GLYR1: variants seen among roughly 807,000 people sequenced by gnomAD.
GLYR1 encodes the protein cytokine-like nuclear factor N-PAC.
In GLYR1, 21 loss-of-function variants were observed where a neutral mutation model predicts 72.7. The observed-to-expected ratio is 0.29, with a 90% CI of 0.20 to 0.42. The LOEUF is 0.42. GLYR1 is among the 10% of genes least tolerant of loss of function. The pLI is 1.00. For synonymous variants in GLYR1, 392 were observed against 270.2 expected, an observed-to-expected ratio of 1.45 and a Z score of -4.42; for missense variants, 594 against 712.1, an observed-to-expected ratio of 0.83 and a Z score of 1.89.
chr16:4,828,900 G>A (rs1395058293), intron 5 of GLYR1, among the ~76,000 whole-genome samples: 1 of 151,960 alleles, frequency 6.6e-6, no homozygotes, highest in Non-Finnish European at 1.5e-5. Context: ...TTCTTTCCAG[G>A]GTGGCACAGG....
At chr16:4,806,236 G>A (rs2082959577) in intron 15 of GLYR1, among the ~76,000 whole-genome samples, 1 of 152,210 alleles carries the variant, frequency 6.6e-6, no homozygotes, top group Admixed American at 6.5e-5. Flanking sequence ...CACACAGAAT[G>A]GCAGCAGTGC....
At chr16:4,837,885 C>T (rs1413589143) in intron 3 of GLYR1, among the ~76,000 whole-genome samples, 2 of 151,608 alleles carry the variant, frequency 1.3e-5, no homozygotes, top group Admixed American at 1.3e-4. Flanking sequence ...GAGCCAAGAT[C>T]GTGCCACTGC....
rs2033979319 is a variant in GLYR1, at chr16:4,814,576, G to C, written c.978C>G (p.Ile326Met). The change falls in exon 11 of 16, where the codon ATC becomes ATG. Residue 326 changes from isoleucine (I) to methionine (M), a missense_variant. By Grantham distance (10) the Ile-to-Met change is conservative. Transcript: ENST00000321919. ...TGGGATCCGACACGCAGGCGAAAGTGATGTCGCAGGTTGAGACGACTTCAG... is the reference window on the plus strand; with the variant it reads ...TGGGATCCGACACGCAGGCGAAAGTCATGTCGCAGGTTGAGACGACTTCAG... ...TPAEVVSTCDITFACVSDPKA... is the reference protein window; with the variant it reads ...TPAEVVSTCDMTFACVSDPKA... The C allele has an allele frequency of 1.9e-6, 3 of 1,614,010 alleles. No individual in the cohort carries two copies. In the African/African-American group the frequency reaches 4.0e-5, roughly 22 times the overall value.
chr16:4,812,257 A>T lies in GLYR1; in HGVS notation c.1120-9T>A, dbSNP rs1369547781. Reference sequence around the variant, plus strand: ...CCCCTGGACACAATCACCTGGAAAGAAAAGTCACAGCTTCTGGAGGCCTCC... The same window carrying T: ...CCCCTGGACACAATCACCTGGAAAGTAAAGTCACAGCTTCTGGAGGCCTCC... On this transcript the variant is annotated splice_polypyrimidine_tract_variant and intron_variant, in intron 12 of 15. Coordinates refer to ENST00000321919, the MANE Select transcript of GLYR1 (RefSeq NM_032569.4). The T allele has an allele frequency of 1.2e-6, 2 of 1,610,514 alleles. No individual in the cohort carries two copies. Among genetic ancestry groups the T allele is most frequent in the Non-Finnish European group, 1.7e-6 (2 of 1,179,220 alleles).
chr16:4,820,133 G>T (rs1007776997), intron 9 of GLYR1, among the ~76,000 whole-genome samples: 2 of 152,090 alleles, frequency 1.3e-5, no homozygotes, highest in African/African-American at 4.8e-5. Context: ...AAGTAGCTGG[G>T]ATTAAAGGCA....
At chr16:4,828,588 G>A (rs568135712) in intron 5 of GLYR1, among the ~76,000 whole-genome samples, 2 of 152,144 alleles carry the variant, frequency 1.3e-5, no homozygotes, top group Admixed American at 6.5e-5. Flanking sequence ...CGTGAGACGA[G>A]TTCCTGTAAG....
At chr16:4,845,845 C>T (rs1013955097) in intron 2 of GLYR1, among the ~76,000 whole-genome samples, 11 of 152,158 alleles carry the variant, frequency 7.2e-5, no homozygotes, top group Non-Finnish European at 1.5e-4. Flanking sequence ...TACATTTAGA[C>T]TTTCTTCCTG....
At chr16:4,829,200 A>G (rs2142007108) in intron 5 of GLYR1, among the ~76,000 whole-genome samples, 1 of 152,188 alleles carries the variant, frequency 6.6e-6, no homozygotes, top group South Asian at 2.1e-4. Flanking sequence ...CTCTCACCAG[A>G]GGCCTCACAC....
chr16:4,809,206 T>C (rs1469939521), intron 15 of GLYR1, among the ~76,000 whole-genome samples: 2 of 141,936 alleles, frequency 1.4e-5, no homozygotes, highest in Non-Finnish European at 3.1e-5. Flanking sequence ...TTTTTTTTTT[T>C]TGCGATGGAG....
chr16:4,803,953 A>T lies in GLYR1; in HGVS notation c.*1283T>A, dbSNP rs1168580386. On this transcript the variant is annotated 3_prime_UTR_variant, in exon 16 of 16. Transcript: ENST00000321919. ...CCCCCGGTCCCCTATCCAAGGACAA[A>T]TGTAGGGCCTCTAGGATGTCCCAGA... 2 of 152,010 alleles carry T rather than the reference A, an allele frequency of 1.3e-5. No individual in the cohort carries two copies. The highest frequency in any genetic ancestry group is 4.8e-5 in the African/African-American group (2 of 41,404). 9.4% of individuals were successfully genotyped at this position (152,010 alleles called of 1,614,324 possible).
intron 10 of GLYR1, 143 bp from the exon 11 acceptor site, chr16:4,814,790 A>C: frequency 3.1e-6 from 2 of 650,772 alleles, no homozygotes; most frequent in South Asian, 3.7e-5. Context: ...TGGAGATAGG[A>C]GCCCAACTTT....
chr16:4,842,555 C>G (rs1344021892), intron 3 of GLYR1, among the ~76,000 whole-genome samples: 2 of 151,910 alleles, frequency 1.3e-5, no homozygotes, highest in African/African-American at 4.8e-5. Context: ...GAGACAAGGT[C>G]TTGCTATGTT....
intron 7 of GLYR1, 195 bp from the exon 8 acceptor site, chr16:4,821,792 G>A (rs933915295): frequency 1.6e-6 from 1 of 621,570 alleles, no homozygotes; most frequent in South Asian, 1.9e-5. Context: ...ATTCTACCAG[G>A]TCTTTTTGCT....
At chr16:4,836,825 A>AC (rs201181152) in intron 3 of GLYR1, among the ~76,000 whole-genome samples, 2 of 151,538 alleles carry the variant, frequency 1.3e-5, no homozygotes, top group African/African-American at 2.4e-5. Context: ...AAAAAAAAAA[A>AC]AAAACAAAAC....
chr16:4,831,315 C>T (rs572336690), intron 5 of GLYR1, among the ~76,000 whole-genome samples: 6 of 152,322 alleles, frequency 3.9e-5, no homozygotes, highest in South Asian at 2.1e-4. Context: ...CTGGTGCACA[C>T]ACGGGAGGCA....
At position 4,825,513 on chromosome 16, in the gene GLYR1, G is replaced by T. The variant is rs542543747; in HGVS notation, c.538-1606C>A. 1.2e-4 allele frequency among the ~76,000 whole-genome samples: 19 copies of T among 152,314 alleles called. No individual in the cohort carries two copies. The East Asian group carries it at 3.7e-3, about 29-fold the overall frequency. On this transcript the variant is annotated intron_variant, in intron 5 of 15. Coordinates refer to ENST00000321919, the MANE Select transcript of GLYR1 (RefSeq NM_032569.4). ...TGACCTCTTTTTATGTTTGCCCATAGAACATGATGCTGATGTGGATTATAA... is the reference window on the plus strand; with the variant it reads ...TGACCTCTTTTTATGTTTGCCCATATAACATGATGCTGATGTGGATTATAA...
At chr16:4,822,010 G>A (rs1334679710) in intron 7 of GLYR1, among the ~76,000 whole-genome samples, 2 of 152,234 alleles carry the variant, frequency 1.3e-5, no homozygotes, top group Non-Finnish European at 2.9e-5. Flanking sequence ...TTCATGGGGT[G>A]CTGACAGCTT....
intron 1 of GLYR1, chr16:4,846,912 C>T (rs56040623): frequency 0.15 from 63,989 of 432,910 alleles, 5,446 homozygotes; most frequent in South Asian, 0.27. Flanking sequence ...CCCCGGGGAC[C>T]GGTCGTCCGG....
At chr16:4,840,656 A>G (rs2085483688) in intron 3 of GLYR1, among the ~76,000 whole-genome samples, 2 of 152,156 alleles carry the variant, frequency 1.3e-5, no homozygotes, top group Admixed American at 6.5e-5. Flanking sequence ...GCCACACTCT[A>G]CACAAGAGAT....
Sources: allele counts gnomAD v4.1 joint callset (sites outside exome capture counted in the v4.1 genomes callset), GRCh38; gene constraint gnomAD v4.1.1; transcripts MANE v1.5; gene names NCBI Gene and HGNC (gene_info 2026-07-23, HGNC 2026-07-21).